The following CLDN14 variants were observed in gnomAD, a reference collection of about 807,000 sequenced individuals.
CLDN14 encodes claudin-14.
CLDN14 carries 2 observed loss-of-function variants against 2.1 expected under a neutral mutation model. The ratio of observed to expected loss-of-function variants is 0.96; its 90% CI spans 0.39 to 3.01. The LOEUF (loss-of-function observed/expected upper bound fraction) is 3.01. Among genes scored for constraint, CLDN14 ranks in the 30% most tolerant of loss-of-function variants. The probability of loss-of-function intolerance (pLI) is 0.09; values close to 1 mark genes in which losing one functional copy is unlikely to be tolerated. For missense variants in CLDN14, 298 were observed against 328.0 expected (o/e 0.91, Z 0.71); for synonymous variants, 136 against 154.4 (o/e 0.88, Z 0.88).
At chr21:36,474,613 G>A (rs150720100) in intron 1 of CLDN14, among the ~76,000 whole-genome samples, 3 of 152,178 alleles carry the variant, frequency 2.0e-5, no homozygotes, top group African/African-American at 7.2e-5. Context: ...TCCCCATCCC[G>A]CCACCCAGAA....
At chr21:36,493,056 C>A (rs1456909671) in intron 2 of CLDN14, among the ~76,000 whole-genome samples, 1 of 152,212 alleles carries the variant, frequency 6.6e-6, no homozygotes, top group African/African-American at 2.4e-5. Flanking sequence ...CATTGAAGAC[C>A]ATGAGCAGGA....
At chr21:36,513,121 A>T (rs921338202) in intron 1 of CLDN14, among the ~76,000 whole-genome samples, 1 of 152,162 alleles carries the variant, frequency 6.6e-6, no homozygotes, top group Admixed American at 6.5e-5. Flanking sequence ...ACATAAAATC[A>T]TGGTGGTCCC....
upstream of CLDN14, among the ~76,000 whole-genome samples, chr21:36,481,501 T>G (rs1456854479): frequency 6.6e-6 from 1 of 152,254 alleles, no homozygotes; most frequent in East Asian, 1.9e-4. Context: ...CTGGCTTTGA[T>G]TTCTTGGCAT....
chr21:36,547,966 T>C (rs2087536923), intron 1 of CLDN14, among the ~76,000 whole-genome samples: 1 of 152,234 alleles, frequency 6.6e-6, no homozygotes, highest in African/African-American at 2.4e-5. Context: ...GCGGTGTCAC[T>C]TCCATTCTTA....
chr21:36,470,853 A>G (rs1346219535), intron 1 of CLDN14, among the ~76,000 whole-genome samples: 2 of 152,218 alleles, frequency 1.3e-5, no homozygotes, highest in Non-Finnish European at 2.9e-5. Context: ...GCTCAAGCCT[A>G]TAATCCCAGC....
intron 2 of CLDN14, among the ~76,000 whole-genome samples, chr21:36,507,436 T>C (rs572695976): frequency 6.6e-6 from 1 of 152,022 alleles, no homozygotes; most frequent in East Asian, 1.9e-4. Context: ...GAAAATGGAA[T>C]GAGAGGGAAG....
intron 1 of CLDN14, among the ~76,000 whole-genome samples, chr21:36,542,036 C>G (rs990152306): frequency 2.6e-5 from 4 of 152,188 alleles, no homozygotes; most frequent in Non-Finnish European, 5.9e-5. Context: ...CCGCTCACTG[C>G]ATCCTTTGCT....
intron 1 of CLDN14, among the ~76,000 whole-genome samples, chr21:36,512,281 G>A (rs1379474491): frequency 6.6e-6 from 1 of 152,184 alleles, no homozygotes; most frequent in African/African-American, 2.4e-5. Flanking sequence ...CTGATAGACT[G>A]TGGTGCTGTG....
At position 36,499,332 on chromosome 21, in the gene CLDN14, C is replaced by A. The variant is rs143229056; in HGVS notation, c.-82+11031G>T. Among the ~76,000 whole-genome samples the A allele has an allele frequency of 5.5e-3, 843 of 152,328 alleles. 14 individuals carry two copies. Among genetic ancestry groups the A allele is most frequent in the African/African-American group, 0.019 (792 of 41,572 alleles). On this transcript the variant is annotated intron_variant, in intron 2 of 2. Coordinates refer to the CLDN14 transcript ENST00000342108. The surrounding 1 kb of genome is among the most constrained non-coding windows in gnomAD (Gnocchi z 4.7). The stretch of plus-strand genomic sequence containing the variant: ...TGGTGTGATCTCAGCTCGCTGCAAC[C>A]TCTGCCTCCTGGGTTCAAGCGATTC...
At chr21:36,543,061 G>A (rs1012460875) in intron 1 of CLDN14, among the ~76,000 whole-genome samples, 1 of 152,218 alleles carries the variant, frequency 6.6e-6, no homozygotes, top group Non-Finnish European at 1.5e-5. Flanking sequence ...CTGGCCGGAG[G>A]TGGGTGAAAA....
chr21:36,540,421 G>A (rs978495275), intron 1 of CLDN14, among the ~76,000 whole-genome samples: 1 of 152,044 alleles, frequency 6.6e-6, no homozygotes, highest in Non-Finnish European at 1.5e-5. Flanking sequence ...TGGAACCTGC[G>A]GGTATGGAGA....
At chr21:36,545,247 G>A (rs185588498) in intron 1 of CLDN14, among the ~76,000 whole-genome samples, 32 of 152,312 alleles carry the variant, frequency 2.1e-4, no homozygotes, top group African/African-American at 7.2e-4. Context: ...TTCTTAAAGC[G>A]TTTTAAGGTG....
intron 2 of CLDN14, chr21:36,487,049 A>G (rs1347023090): frequency 4.0e-6 from 1 of 250,150 alleles, no homozygotes; most frequent in South Asian, 4.8e-5. Flanking sequence ...CAATGGCGCA[A>G]TCTCAGCTCA....
intron 1 of CLDN14, among the ~76,000 whole-genome samples, chr21:36,515,028 G>A (rs976571520): frequency 7.9e-5 from 12 of 152,260 alleles, no homozygotes; most frequent in South Asian, 2.1e-4. Context: ...TGTTAGGATA[G>A]CCTGTATCAA....
chr21:36,543,842 C>A (rs1047073723), intron 1 of CLDN14, among the ~76,000 whole-genome samples: 6 of 152,226 alleles, frequency 3.9e-5, no homozygotes, highest in Non-Finnish European at 8.8e-5. Flanking sequence ...GCATAAGGAG[C>A]TTCTGACACG....
intron 1 of CLDN14, among the ~76,000 whole-genome samples, chr21:36,557,516 C>A (rs565815935): frequency 6.6e-6 from 1 of 151,928 alleles, no homozygotes; most frequent in African/African-American, 2.4e-5. Context: ...GGTTTTGATT[C>A]GCATTTCCTT....
At chr21:36,472,362 C>A (rs970966013) in intron 1 of CLDN14, among the ~76,000 whole-genome samples, 1 of 152,114 alleles carries the variant, frequency 6.6e-6, no homozygotes, top group African/African-American at 2.4e-5. Context: ...TCTTGGGCAA[C>A]TGGAGGAATG....
rs550575118 is a variant in CLDN14, at chr21:36,540,524, C to A, written c.-219-30024G>T. Among the ~76,000 whole-genome samples, 11 of 152,292 alleles carry A rather than the reference C, an allele frequency of 7.2e-5. No individual in the cohort carries two copies. The East Asian group carries it at 1.9e-3, about 27-fold the overall frequency. ...GGGTGCAGTTGAATGGTGGCCTTAACCTCTCCTACTGATATTGAACGCTGG... is the reference window on the plus strand; with the variant it reads ...GGGTGCAGTTGAATGGTGGCCTTAAACTCTCCTACTGATATTGAACGCTGG... On this transcript the variant is annotated intron_variant, in intron 1 of 2. Transcript: ENST00000342108.
rs778886894 is a variant in CLDN14, at chr21:36,544,746, G to A, written c.-220+31665C>T. 7.2e-5 allele frequency among the ~76,000 whole-genome samples: 11 copies of A among 152,184 alleles called. No individual in the cohort carries two copies. The highest frequency in any genetic ancestry group is 1.2e-4 in the African/African-American group (5 of 41,434). Reference sequence around the variant, plus strand: ...TGGACAGCTTGGAGAGATGGGCAGCGATCACGCTGAAATATGATGACAGGG... The same window carrying A: ...TGGACAGCTTGGAGAGATGGGCAGCAATCACGCTGAAATATGATGACAGGG... On this transcript the variant is annotated intron_variant, in intron 1 of 2. Coordinates refer to the CLDN14 transcript ENST00000342108. The surrounding 1 kb of genome is among the most constrained non-coding windows in gnomAD (Gnocchi z 4.1).
Sources: gnomAD v4.1 joint callset for allele counts (sites outside exome capture counted in the v4.1 genomes callset) on GRCh38, gnomAD v4.1.1 for gene constraint, Gnocchi (gnomAD v3.1) non-coding constraint, MANE v1.5 for transcripts, NCBI Gene and HGNC (gene_info 2026-07-23, HGNC 2026-07-21) for gene names.